Variants in MMEL1 observed in about 807,000 individuals in gnomAD.
MMEL1 encodes membrane metallo-endopeptidase-like 1.
In MMEL1, 98 loss-of-function variants were observed where a neutral mutation model predicts 117.1. The observed-to-expected ratio is 0.84, with a 90% confidence interval of 0.71 to 0.99. The LOEUF (loss-of-function observed/expected upper bound fraction) is 0.99, where lower values mean the gene tolerates loss of function less well. Among genes scored for constraint, MMEL1 ranks in the 50% least tolerant of loss-of-function variants. The probability of loss-of-function intolerance (pLI) is 0.00; values close to 1 mark genes in which losing one functional copy is unlikely to be tolerated. For missense variants in MMEL1, 1,014 were observed against 1,049.1 expected (o/e 0.97, Z 0.46); for synonymous variants, 390 against 415.1 (o/e 0.94, Z 0.74).
rs531404848 is a variant in MMEL1 at position 2,591,319 on chromosome 1, C to T, written c.2241-230G>A. On this transcript the variant is annotated intron_variant, in intron 23 of 23. Transcript: ENST00000378412. ...TATTCCAACTCTGCAATAAAACTCT[C>T]CTTCACACAGAAACATTCGCAGCCT... 39 of 600,126 alleles carry T rather than the reference C, an allele frequency of 6.5e-5. 1 individual carries two copies. The South Asian group carries it at 7.5e-4, about 12-fold the overall frequency. 37.2% of individuals were successfully genotyped at this position (600,126 alleles called of 1,614,324 possible).
chr1:2,598,381 C>T, intron 12 of MMEL1, 81 bp from the exon 13 acceptor site: 1 of 1,398,300 alleles, frequency 7.2e-7, no homozygotes. Context: ...GGGCCCTTGG[C>T]CAGCACGTTC....
At position 2,612,148 on chromosome 1, in the gene MMEL1, A is replaced by T. The variant is rs4545280; in HGVS notation, c.211T>A (p.Phe71Ile). ...RLCFLQEERT[F>I]VKRKPRGIPE... ...CTACCTCGGGGTTTTCGTTTTACAA[A>T]GGTCCTCTCCTCCTGTAAGAAGCAC... Residue 71 changes from phenylalanine (F) to isoleucine (I), a missense_variant, in exon 3 of 24, where the codon TTT becomes ATT. By Grantham distance (21) the Phe-to-Ile change is conservative. Coordinates refer to ENST00000378412, the MANE Select transcript of MMEL1 (RefSeq NM_033467.4). The surrounding 1 kb of genome is among the most constrained non-coding windows in gnomAD (Gnocchi z 5.4). 1.1e-5 allele frequency: 18 copies of T among 1,581,852 alleles called. No individual in the cohort carries two copies. In the Admixed American group the frequency reaches 2.9e-4, roughly 25 times the overall value.
rs539911984 is a variant in MMEL1 at position 2,609,907 on chromosome 1, G to T, written c.293-76C>A. On this transcript the variant is annotated intron_variant, in intron 4 of 23. Coordinates refer to ENST00000378412, the MANE Select transcript of MMEL1 (RefSeq NM_033467.4). ...TGGACAGCCCAGAAGCCTGTCTCCCGGTCCAAGACACAGCCTGGTCCCTTG... is the reference window on the plus strand; with the variant it reads ...TGGACAGCCCAGAAGCCTGTCTCCCTGTCCAAGACACAGCCTGGTCCCTTG... 6.7e-6 allele frequency: 10 copies of T among 1,482,936 alleles called. No homozygotes were observed. In the East Asian group the frequency reaches 2.1e-4, roughly 30 times the overall value. 91.9% of individuals were successfully genotyped at this position (1,482,936 alleles called of 1,614,324 possible). A position where few individuals can be genotyped will look rare whatever the true frequency, so the allele number is the denominator to read the frequency against.
rs1035783817 is a variant in MMEL1 at position 2,612,743 on chromosome 1, G to T, written c.155-539C>A. On this transcript the variant is annotated intron_variant, in intron 2 of 23. Coordinates refer to ENST00000378412, the MANE Select transcript of MMEL1 (RefSeq NM_033467.4). The surrounding 1 kb of genome is among the most constrained non-coding windows in gnomAD (Gnocchi z 5.4). ...CCCTCCCTCCATCTCTCTACTGCCT[G>T]CTGGGAGGGGCCTGCCTGGTCAGCA... Among the ~76,000 whole-genome samples the T allele has an allele frequency of 2.0e-4, 30 of 152,304 alleles. No homozygotes were observed. The highest frequency in any genetic ancestry group is 7.0e-4 in the African/African-American group (29 of 41,550).
intron 11 of MMEL1, 101 bp from the exon 12 acceptor site, chr1:2,598,891 A>G: frequency 1.0e-6 from 1 of 981,418 alleles, no homozygotes. Context: ...ATGTTCAAGG[A>G]ATAAGAGAGA....
In MMEL1 at chr1:2,609,357, G is replaced by A. The variant is rs376308719; in HGVS notation, c.517C>T (p.Arg173Cys). Residue 173 changes from arginine (R) to cysteine (C), a missense_variant, in exon 6 of 24, where the codon CGC becomes TGC. Arg to Cys is a radical substitution (Grantham distance 180). Transcript: ENST00000378412. Reference sequence around the variant, plus strand: ...CACTCACTCTGGTTCATGCAGGAGCGGTACAGCGTCCTGGCCTTCTCCACA... The same window carrying A: ...CACTCACTCTGGTTCATGCAGGAGCAGTACAGCGTCCTGGCCTTCTCCACA... ...PAVEKARTLY[R>C]SCMNQSVIEK... The A allele has an allele frequency of 6.2e-6, 10 of 1,611,758 alleles. No individual in the cohort carries two copies. The highest frequency in any genetic ancestry group is 3.3e-5 in the Admixed American group (2 of 59,866).
In MMEL1 at chr1:2,618,142, T is replaced by C. The variant is rs556084078; in HGVS notation, c.155-5938A>G. 5.9e-5 allele frequency among the ~76,000 whole-genome samples: 9 copies of C among 152,344 alleles called. No individual in the cohort carries two copies. The East Asian group carries it at 1.7e-3, about 29-fold the overall frequency. ...CCCTACCAAGTCTCATGTTGAAATGTGATACCCAATGTTGGGGGTGGGGCC... is the reference window on the plus strand; with the variant it reads ...CCCTACCAAGTCTCATGTTGAAATGCGATACCCAATGTTGGGGGTGGGGCC... On this transcript the variant is annotated intron_variant, in intron 2 of 23. Coordinates refer to ENST00000378412, the MANE Select transcript of MMEL1 (RefSeq NM_033467.4).
At chr1:2,606,421 G>T (rs1247477758) in intron 7 of MMEL1, 55 bp from the exon 8 acceptor site, 43 of 1,406,588 alleles carry the variant, frequency 3.1e-5, no homozygotes, top group Non-Finnish European at 4.3e-5. Flanking sequence ...CCCCAGCCCG[G>T]CCCCTTGTCG....
At chr1:2,613,155 A>G (rs1041779801) in intron 2 of MMEL1, among the ~76,000 whole-genome samples, 2 of 152,218 alleles carry the variant, frequency 1.3e-5, no homozygotes, top group Admixed American at 6.5e-5. Flanking sequence ...GACAGGGCCC[A>G]GCCCTCAAGG....
In MMEL1 at chr1:2,604,761, G is replaced by C. The variant is rs753558323; in HGVS notation, c.817-480C>G. 1.1e-4 allele frequency among the ~76,000 whole-genome samples: 16 copies of C among 152,144 alleles called. No individual in the cohort carries two copies. The South Asian group carries it at 1.2e-3, about 12-fold the overall frequency. ...TGCTCCTCAGGGAGCTGCCTTCCTC[G>C]CGCTGGGCAGGGCTTCCCCAGTGCA... On this transcript the variant is annotated intron_variant, in intron 9 of 23. Transcript: ENST00000378412.
chr1:2,608,542 CACAT>C (rs145629728), intron 6 of MMEL1, among the ~76,000 whole-genome samples: 60,291 of 151,622 alleles, frequency 0.4, 12,695 homozygotes, highest in African/African-American at 0.52. Context: ...TACACACATA[CACAT>C]ACACACATAT....
chr1:2,598,795 A>G lies in MMEL1; in HGVS notation c.1042-5T>C, dbSNP rs1314638410. ...GAACAGAGTCCAGTTAAATCCCTGC[A>G]GATAGAGGAAGTGGGGAGAAAGAGG... is the stretch of plus-strand genomic sequence containing the variant. On this transcript the variant is annotated splice_polypyrimidine_tract_variant and splice_region_variant and intron_variant, in intron 11 of 23. Coordinates refer to ENST00000378412, the MANE Select transcript of MMEL1 (RefSeq NM_033467.4). The G allele has an allele frequency of 9.3e-6, 15 of 1,606,384 alleles. No homozygotes were observed. The highest frequency in any genetic ancestry group is 1.2e-5 in the Non-Finnish European group (14 of 1,173,736).
chr1:2,594,331 C>T, intron 18 of MMEL1, 54 bp downstream of exon 18: 5 of 1,533,372 alleles, frequency 3.3e-6, no homozygotes, highest in Non-Finnish European at 3.5e-6. Context: ...GCAAGCCACC[C>T]CTTCAACTCT....
chr1:2,596,199 G>C, intron 14 of MMEL1, 92 bp from the exon 15 acceptor site: 1 of 1,223,854 alleles, frequency 8.2e-7, no homozygotes, highest in Non-Finnish European at 1.2e-6. Context: ...TCTGAGCCCC[G>C]CCGGGGCAAG....
intron 2 of MMEL1, among the ~76,000 whole-genome samples, chr1:2,626,993 A>G (rs1471023517): frequency 6.6e-6 from 1 of 152,258 alleles, no homozygotes; most frequent in African/African-American, 2.4e-5. Flanking sequence ...CACGATTGAA[A>G]GAGACACATC....
intron 1 of MMEL1, among the ~76,000 whole-genome samples, chr1:2,630,964 C>T (rs1410418514): frequency 2.1e-5 from 3 of 144,956 alleles, no homozygotes; most frequent in Non-Finnish European, 4.5e-5. Flanking sequence ...CGTGTACGCT[C>T]GTGTGTGCAC....
chr1:2,613,177 C>T (rs571946805), intron 2 of MMEL1, among the ~76,000 whole-genome samples: 120 of 152,356 alleles, frequency 7.9e-4, no homozygotes, highest in African/African-American at 2.7e-3. Flanking sequence ...GCCCCCCGCC[C>T]GGTGGAAACA....
At chr1:2,611,990 G>C in intron 3 of MMEL1, 137 bp downstream of exon 3, 1 of 757,544 alleles carries the variant, frequency 1.3e-6, no homozygotes, top group Non-Finnish European at 2.2e-6. Flanking sequence ...CCCTGCCACT[G>C]TCCTCTCCCC....
intron 2 of MMEL1, among the ~76,000 whole-genome samples, chr1:2,628,289 C>G (rs552398227): frequency 2.0e-5 from 3 of 152,240 alleles, no homozygotes; most frequent in Non-Finnish European, 4.4e-5. Flanking sequence ...CATGCAGCCC[C>G]GGGCCGGGAC....
Sources: gnomAD v4.1 joint callset for allele counts (sites outside exome capture counted in the v4.1 genomes callset) on GRCh38, gnomAD v4.1.1 for gene constraint, Gnocchi (gnomAD v3.1) non-coding constraint, MANE v1.5 for transcripts, NCBI Gene and HGNC (gene_info 2026-07-23, HGNC 2026-07-21) for gene names.